KCTD19: variants seen among roughly 807,000 people sequenced by gnomAD.
KCTD19 encodes the protein BTB/POZ domain-containing protein KCTD19.
Under a neutral mutation model 103.5 loss-of-function variants are expected in KCTD19, and 67 were observed. The ratio of observed to expected loss-of-function variants is 0.65; its 90% CI spans 0.53 to 0.79. KCTD19 has a LOEUF of 0.79. Among genes scored for constraint, KCTD19 ranks in the 30% least tolerant of loss-of-function variants. KCTD19 has a pLI of 0.00. For synonymous variants in KCTD19, 439 were observed against 452.2 expected, an observed-to-expected ratio of 0.97 and a Z score of 0.37; for missense variants, 980 against 1,136.1, an observed-to-expected ratio of 0.86 and a Z score of 1.98.
At chr16:67,315,162 C>G (rs2036996712) in intron 2 of KCTD19, among the ~76,000 whole-genome samples, 1 of 151,808 alleles carries the variant, frequency 6.6e-6, no homozygotes, top group Non-Finnish European at 1.5e-5. Flanking sequence ...GTGTCTTCAC[C>G]ATGGCTTTCA....
Position 67,293,948 on chromosome 16 carries a change from G to T in KCTD19, c.1814C>A (p.Pro605His). 1 of 1,614,158 alleles carries T rather than the reference G, an allele frequency of 6.2e-7. No homozygotes were observed. The highest frequency in any genetic ancestry group is 8.5e-7 in the Non-Finnish European group (1 of 1,180,038). The part of the protein sequence containing the change: ...CTNPGHWGSH[P>H]ESPPKKKCTT... ...GCATTTCTTCTTTGGGGGGCTCTCA[G>T]GGTGGCTCCCCCAGTGTCCAGGATT... Residue 605 changes from proline to histidine, a missense_variant, in exon 12 of 16, where the codon CCT (proline) becomes CAT (histidine). Physicochemically the swap from Pro to His is moderately conservative, Grantham distance 77. Transcript: ENST00000304372. The surrounding 1 kb of genome is among the most constrained non-coding windows in gnomAD (Gnocchi z 4.0).
chr16:67,313,271 C>T (rs552954140), intron 2 of KCTD19, among the ~76,000 whole-genome samples: 40 of 152,122 alleles, frequency 2.6e-4, no homozygotes, highest in African/African-American at 8.9e-4. Context: ...TCATCATGCC[C>T]GGCTAATTTT....
chr16:67,317,065 A>G (rs1049121204), intron 2 of KCTD19, among the ~76,000 whole-genome samples: 1 of 152,136 alleles, frequency 6.6e-6, no homozygotes, highest in Admixed American at 6.5e-5. Flanking sequence ...TCACATTTTT[A>G]TTGTTAGGGG....
At chr16:67,315,940 T>G (rs751036508) in intron 2 of KCTD19, among the ~76,000 whole-genome samples, 2 of 152,164 alleles carry the variant, frequency 1.3e-5, no homozygotes, top group Non-Finnish European at 2.9e-5. Context: ...CTGTAAGTTC[T>G]TTCCCCAGAT....
In KCTD19 at chr16:67,290,826, C is replaced by T. The variant is rs534569934; in HGVS notation, c.2667+59G>A. The T allele has an allele frequency of 2.3e-4, 327 of 1,445,846 alleles. 1 individual carries two copies. The highest frequency in any genetic ancestry group is 2.9e-4 in the Non-Finnish European group (312 of 1,058,128). The allele number at this position is 1,445,846 out of a possible 1,614,324, so 89.6% of individuals were successfully genotyped here. On this transcript the variant is annotated intron_variant, in intron 15 of 15. Coordinates refer to ENST00000304372, the MANE Select transcript of KCTD19 (RefSeq NM_001100915.3). ...CCCAGCCCTGGTGCAGCAAGACACACGTCCATCTGAGGCATCCACAGGGTC... is the reference window on the plus strand; with the variant it reads ...CCCAGCCCTGGTGCAGCAAGACACATGTCCATCTGAGGCATCCACAGGGTC...
At position 67,325,236 on chromosome 16, in the gene KCTD19, G is replaced by A. The variant is rs1435873316; in HGVS notation, c.3+1469C>T. On this transcript the variant is annotated intron_variant, in intron 1 of 15. Coordinates refer to ENST00000304372, the MANE Select transcript of KCTD19 (RefSeq NM_001100915.3). The stretch of plus-strand genomic sequence containing the variant: ...TTTTTTTTTTTTGAGACGGAGTCTC[G>A]CTCTCTAGCCCAGGCTGGAGTGCAG... Among the ~76,000 whole-genome samples the A allele has an allele frequency of 3.2e-5, 4 of 124,220 alleles. No homozygotes were observed. The East Asian group carries it at 8.6e-4, about 27-fold the overall frequency. 81.5% of individuals were successfully genotyped at this position (124,220 alleles called of 152,430 possible). A position where few individuals can be genotyped will look rare whatever the true frequency, so the allele number is the denominator to read the frequency against.
intron 5 of KCTD19, chr16:67,299,902 T>C (rs2036815227): frequency 3.2e-6 from 1 of 312,308 alleles, no homozygotes; most frequent in South Asian, 7.4e-5. Flanking sequence ...TCCAAGCTCT[T>C]CTGTAACCAT....
chr16:67,293,633 T>C lies in KCTD19; in HGVS notation c.2129A>G (p.Lys710Arg), dbSNP rs769971827. 9 of 1,613,856 alleles carry C rather than the reference T, an allele frequency of 5.6e-6. No individual in the cohort carries two copies. In the South Asian group the frequency reaches 9.9e-5, roughly 18 times the overall value. ...QAGAGAGAKD[K>R]GPEPTFKPYL... ...TGGCTTGAAGGTTGGCTCTGGCCCCTTGTCTTTCGCTCCAGCTCCAGCCCC... is the reference window on the plus strand; with the variant it reads ...TGGCTTGAAGGTTGGCTCTGGCCCCCTGTCTTTCGCTCCAGCTCCAGCCCC... The change falls in exon 12 of 16, where the codon AAG becomes AGG. Residue 710 changes from lysine (K) to arginine (R), a missense_variant. Transcript: ENST00000304372. The surrounding 1 kb of genome is among the most constrained non-coding windows in gnomAD (Gnocchi z 4.0).
Position 67,304,449 on chromosome 16 carries a change from T to C in KCTD19, c.423A>G (p.Glu141=), listed in dbSNP as rs1445946918. Residue 141 remains glutamate, a synonymous_variant, in exon 3 of 16, where the codon GAA becomes GAG. Coordinates refer to ENST00000304372, the MANE Select transcript of KCTD19 (RefSeq NM_001100915.3). The stretch of plus-strand genomic sequence containing the variant: ...TAAAGGCTGGGCTTTTAATTGGAAA[T>C]TCTGAGGGTTTGCTAATACACTTCC... ...RTWKCISKPS[E]FPIKSPAFTG... The C allele has an allele frequency of 6.2e-7, 1 of 1,613,880 alleles. No individual in the cohort carries two copies. The highest frequency in any genetic ancestry group is 8.5e-7 in the Non-Finnish European group (1 of 1,179,910).
intron 6 of KCTD19, among the ~76,000 whole-genome samples, chr16:67,298,859 C>T (rs987210287): frequency 6.6e-6 from 1 of 152,244 alleles, no homozygotes; most frequent in Admixed American, 6.5e-5. Flanking sequence ...CTAATGAGGA[C>T]ATCCTGAGCT....
chr16:67,294,831 G>T (rs1013352304), intron 10 of KCTD19, 137 bp from the exon 11 acceptor site: 5 of 932,154 alleles, frequency 5.4e-6, no homozygotes, highest in Non-Finnish European at 6.8e-6. Context: ...TTTTGCCTAG[G>T]TCACTGGCCA....
chr16:67,326,266 T>G (rs2037166483), intron 1 of KCTD19, among the ~76,000 whole-genome samples: 1 of 152,154 alleles, frequency 6.6e-6, no homozygotes, highest in Non-Finnish European at 1.5e-5. Context: ...CCTCATGCTC[T>G]AAAGACAGGA....
chr16:67,303,971 A>C lies in KCTD19; in HGVS notation c.451+450T>G, dbSNP rs533315131. Among the ~76,000 whole-genome samples, 7 of 152,378 alleles carry C rather than the reference A, an allele frequency of 4.6e-5. No individual in the cohort carries two copies. The highest frequency in any genetic ancestry group is 1.7e-4 in the African/African-American group (7 of 41,592). On this transcript the variant is annotated intron_variant, in intron 3 of 15. Transcript: ENST00000304372. This position sits in a 1 kb window ranked among gnomAD's most constrained non-coding sequence, Gnocchi z 4.3. ...CTAATTGATCAAACCAAACACAGTG[A>C]TCCACAGACAAAATAGATGCTTTTG... is the stretch of plus-strand genomic sequence containing the variant.
intron 2 of KCTD19, among the ~76,000 whole-genome samples, chr16:67,318,179 T>C (rs183719872): frequency 1.3e-5 from 2 of 152,326 alleles, no homozygotes; most frequent in East Asian, 3.9e-4. Flanking sequence ...CAGAGCCACA[T>C]GATTCTTCAA....
chr16:67,310,328 T>C (rs2036936522), intron 2 of KCTD19, among the ~76,000 whole-genome samples: 1 of 152,210 alleles, frequency 6.6e-6, no homozygotes, highest in Non-Finnish European at 1.5e-5. Context: ...GTTCAATGAA[T>C]GGCTAAATGA....
intron 6 of KCTD19, among the ~76,000 whole-genome samples, chr16:67,298,699 T>A (rs2036797017): frequency 6.6e-6 from 1 of 152,134 alleles, no homozygotes. Flanking sequence ...GCATTCAGGG[T>A]CAGCTGACCC....
chr16:67,309,148 AAAAG>A (rs957971945), intron 2 of KCTD19, among the ~76,000 whole-genome samples: 13 of 152,018 alleles, frequency 8.6e-5, no homozygotes, highest in East Asian at 1.9e-4. Flanking sequence ...AAAAAAAGAA[AAAAG>A]AAAGAAAGAA....
intron 2 of KCTD19, among the ~76,000 whole-genome samples, chr16:67,318,771 T>A (rs1039543765): frequency 1.3e-5 from 2 of 151,498 alleles, no homozygotes; most frequent in African/African-American, 4.9e-5. Context: ...TGGCGTAGAG[T>A]CATCAGCAAT....
intron 4 of KCTD19, chr16:67,302,809 A>T: frequency 3.2e-6 from 1 of 310,814 alleles, no homozygotes; most frequent in South Asian, 3.9e-5. Flanking sequence ...AGCTGGATAC[A>T]TAAGGGCAGA....
Sources: gnomAD v4.1 joint callset for allele counts (sites outside exome capture counted in the v4.1 genomes callset) on GRCh38, gnomAD v4.1.1 for gene constraint, Gnocchi (gnomAD v3.1) non-coding constraint, MANE v1.5 for transcripts, NCBI Gene and HGNC (gene_info 2026-07-23, HGNC 2026-07-21) for gene names.